The following PCDHGA6 variants were observed in gnomAD, a reference collection of about 807,000 sequenced individuals.
The protein encoded by PCDHGA6 is protocadherin gamma-A6.
Under a neutral mutation model 60.6 loss-of-function variants are expected in PCDHGA6, and 41 were observed. The observed-to-expected ratio is 0.68, with a 90% confidence interval of 0.53 to 0.88. The LOEUF is 0.88. Among genes scored for constraint, PCDHGA6 ranks in the 40% least tolerant of loss-of-function variants. PCDHGA6 has a pLI of 0.00. For synonymous variants in PCDHGA6, 594 were observed against 524.4 expected (o/e 1.13, Z -1.81); for missense variants, 1,312 against 1,203.0 (o/e 1.09, Z -1.34).
intron 1 of PCDHGA6, among the ~76,000 whole-genome samples, chr5:141,438,579 CATACATACATACATATATATAT>C (rs1356926315): frequency 3.6e-5 from 2 of 55,782 alleles, no homozygotes; most frequent in Non-Finnish European, 6.0e-5. Context: ...GATATACATA[CATACATACATACATATATATAT>C]ATATATATAT....
At chr5:141,397,395 C>G (rs1382237446) in intron 1 of PCDHGA6, among the ~76,000 whole-genome samples, 1 of 152,048 alleles carries the variant, frequency 6.6e-6, no homozygotes, top group Non-Finnish European at 1.5e-5. Flanking sequence ...ATTGCCACAA[C>G]TTTACAAAAT....
At position 141,491,084 on chromosome 5, in the gene PCDHGA6, C is replaced by T; in HGVS notation, c.2425-3723C>T. On this transcript the variant is annotated intron_variant, in intron 1 of 3. Transcript: ENST00000517434. This position sits in a 1 kb window ranked among gnomAD's most constrained non-coding sequence, Gnocchi z 6.9. ...TACTCACTGTTGCCACAGTCCACAGCCCCAGGACTGTTCCTCGTGTCTACA... is the reference window on the plus strand; with the variant it reads ...TACTCACTGTTGCCACAGTCCACAGTCCCAGGACTGTTCCTCGTGTCTACA... The T allele has an allele frequency of 6.2e-7, 1 of 1,614,106 alleles. No homozygotes were observed. The highest frequency in any genetic ancestry group is 1.1e-5 in the South Asian group (1 of 91,082).
rs1396618267 is a variant in PCDHGA6, at chr5:141,421,234, A to T, written c.2424+44727A>T. On this transcript the variant is annotated intron_variant, in intron 1 of 3. Coordinates refer to ENST00000517434, the MANE Select transcript of PCDHGA6 (RefSeq NM_018919.3). ...TATCGGCTTAGAGCCTGCCATGGCG[A>T]ATCGGCTACAGCGCGGGGACCGCAG... 7 of 1,593,656 alleles carry T rather than the reference A, an allele frequency of 4.4e-6. No homozygotes were observed. In the African/African-American group the frequency reaches 9.4e-5, roughly 21 times the overall value.
intron 1 of PCDHGA6, among the ~76,000 whole-genome samples, chr5:141,480,768 A>G (rs1371582817): frequency 6.6e-6 from 1 of 152,162 alleles, no homozygotes; most frequent in African/African-American, 2.4e-5. Flanking sequence ...TCCCCACTTG[A>G]TCCTAATGTG....
At chr5:141,392,893 G>C in intron 1 of PCDHGA6, 1 of 1,613,780 alleles carries the variant, frequency 6.2e-7, no homozygotes, top group South Asian at 1.1e-5. Flanking sequence ...TGGGAAATCG[G>C]GAGGGGACAG....
rs549842756 is a variant in PCDHGA6 at position 141,470,331 on chromosome 5, A to T, written c.2425-24476A>T. ...TTTCCTCAAATGATCCCATAATTTG[A>T]CCTTAGGAAGCTGTTCAAATAGACA... is the stretch of plus-strand genomic sequence containing the variant. On this transcript the variant is annotated intron_variant, in intron 1 of 3. Transcript: ENST00000517434. 3.3e-4 allele frequency among the ~76,000 whole-genome samples: 50 copies of T among 152,244 alleles called. 1 individual carries two copies. Among genetic ancestry groups the T allele is most frequent in the African/African-American group, 1.1e-3 (47 of 41,536 alleles).
At position 141,433,356 on chromosome 5, in the gene PCDHGA6, T is replaced by A. The variant is rs549297958; in HGVS notation, c.2424+56849T>A. On this transcript the variant is annotated intron_variant, in intron 1 of 3. Transcript: ENST00000517434. ...CTACAGGTGCAAGCCACCTACTGTC[T>A]GCCTATCTATCTATCTATCTATCTA... The A allele has an allele frequency of 8.4e-5, 51 of 607,892 alleles. No homozygotes were observed. The African/African-American group carries it at 9.5e-4, about 11-fold the overall frequency. 37.7% of individuals were successfully genotyped at this position (607,892 alleles called of 1,614,324 possible).
chr5:141,375,273 C>T lies in PCDHGA6; in HGVS notation c.1190C>T (p.Ser397Leu). 1 of 1,613,854 alleles carries T rather than the reference C, an allele frequency of 6.2e-7. No individual in the cohort carries two copies. Among genetic ancestry groups the T allele is most frequent in the Non-Finnish European group, 8.5e-7 (1 of 1,179,880 alleles). The change falls in exon 1 of 4, where the codon TCA (serine) becomes TTA (leucine). Residue 397 changes from serine to leucine, a missense_variant. Transcript: ENST00000517434. ...PRSLPFELEKSVGNYYRLVTN... is the reference protein window; with the variant it reads ...PRSLPFELEKLVGNYYRLVTN... The stretch of plus-strand genomic sequence containing the variant: ...AGTCTCCCATTTGAATTGGAAAAAT[C>T]AGTTGGCAATTATTATCGATTAGTG...
chr5:141,434,920 A>C (rs927245955), intron 1 of PCDHGA6, among the ~76,000 whole-genome samples: 1 of 151,796 alleles, frequency 6.6e-6, no homozygotes. Flanking sequence ...ATTTATGTAC[A>C]TATATTTTAT....
At chr5:141,399,742 A>G in intron 1 of PCDHGA6, 14 of 1,613,320 alleles carry the variant, frequency 8.7e-6, no homozygotes, top group Non-Finnish European at 1.2e-5. Flanking sequence ...GCCTGCGCTC[A>G]GCGCAAACGT....
rs761396116 is a variant in PCDHGA6 at position 141,409,790 on chromosome 5, C to T, written c.2424+33283C>T. 4 of 1,612,010 alleles carry T rather than the reference C, an allele frequency of 2.5e-6. No homozygotes were observed. The Admixed American group carries it at 5.0e-5, about 20-fold the overall frequency. ...TCACGAGCAGCTGCGCGCCTTCGCGCTCACGCTGCAGGCCCGCGACCACGG... is the reference window on the plus strand; with the variant it reads ...TCACGAGCAGCTGCGCGCCTTCGCGTTCACGCTGCAGGCCCGCGACCACGG... On this transcript the variant is annotated intron_variant, in intron 1 of 3. Transcript: ENST00000517434.
chr5:141,383,480 T>C, intron 1 of PCDHGA6: 2 of 1,613,740 alleles, frequency 1.2e-6, no homozygotes, highest in Non-Finnish European at 1.7e-6. Context: ...TACCCGGAAC[T>C]GGTGCTGGAG....
Position 141,375,007 on chromosome 5 carries a change from C to A in PCDHGA6, c.924C>A (p.Asp308Glu), listed in dbSNP as rs369489853. 6.2e-7 allele frequency: 1 copy of A among 1,614,000 alleles called. No individual in the cohort carries two copies. Among genetic ancestry groups the A allele is most frequent in the East Asian group, 2.2e-5 (1 of 44,886 alleles). ...TGEISTSANL[D>E]YEDSSFYELG... is the part of the protein sequence containing the mutation. ...AAATTTCAACTTCTGCAAATCTAGA[C>A]TATGAGGACTCGAGTTTTTATGAGC... The change falls in exon 1 of 4, where the codon GAC (aspartate) becomes GAA (glutamate). Residue 308 changes from aspartate to glutamate, a missense_variant. Asp to Glu is a conservative substitution (Grantham distance 45, BLOSUM62 2). Coordinates refer to ENST00000517434, the MANE Select transcript of PCDHGA6 (RefSeq NM_018919.3).
Position 141,486,979 on chromosome 5 carries a change from C to T in PCDHGA6, c.2425-7828C>T. On this transcript the variant is annotated intron_variant, in intron 1 of 3. Transcript: ENST00000517434. This position sits in a 1 kb window ranked among gnomAD's most constrained non-coding sequence, Gnocchi z 5.0. ...CTGCTGTGGACTTGGATTCAGGTTACAATGCTTGGGTTTCCTATCAGCTCC... is the reference window on the plus strand; with the variant it reads ...CTGCTGTGGACTTGGATTCAGGTTATAATGCTTGGGTTTCCTATCAGCTCC... 6.2e-7 allele frequency: 1 copy of T among 1,614,200 alleles called. No individual in the cohort carries two copies. Among genetic ancestry groups the T allele is most frequent in the Non-Finnish European group, 8.5e-7 (1 of 1,180,032 alleles).
In PCDHGA6 at chr5:141,485,186, G is replaced by T; in HGVS notation, c.2425-9621G>T. ...GCGGGCGGCAGCAATGCTCCGCAAG[G>T]TGAGAAGCTGGACAGAAATCTGGCG... On this transcript the variant is annotated intron_variant, in intron 1 of 3. Coordinates refer to ENST00000517434, the MANE Select transcript of PCDHGA6 (RefSeq NM_018919.3). This position sits in a 1 kb window ranked among gnomAD's most constrained non-coding sequence, Gnocchi z 5.7. 1 of 1,613,706 alleles carries T rather than the reference G, an allele frequency of 6.2e-7. No individual in the cohort carries two copies. The highest frequency in any genetic ancestry group is 8.5e-7 in the Non-Finnish European group (1 of 1,179,644).
rs1426305491 is a variant in PCDHGA6 at position 141,489,758 on chromosome 5, G to A, written c.2425-5049G>A. 1 of 1,614,084 alleles carries A rather than the reference G, an allele frequency of 6.2e-7. No homozygotes were observed. The highest frequency in any genetic ancestry group is 1.7e-5 in the Admixed American group (1 of 60,020). On this transcript the variant is annotated intron_variant, in intron 1 of 3. Coordinates refer to ENST00000517434, the MANE Select transcript of PCDHGA6 (RefSeq NM_018919.3). The surrounding 1 kb of genome is among the most constrained non-coding windows in gnomAD (Gnocchi z 4.5). ...AATACTGTGAGCTTTTACACTCTAAGCCCCAACAGCCACTTCTCTCTGAAT... is the reference window on the plus strand; with the variant it reads ...AATACTGTGAGCTTTTACACTCTAAACCCCAACAGCCACTTCTCTCTGAAT...
chr5:141,432,863 T>C lies in PCDHGA6; in HGVS notation c.2424+56356T>C, dbSNP rs762979829. On this transcript the variant is annotated intron_variant, in intron 1 of 3. Coordinates refer to ENST00000517434, the MANE Select transcript of PCDHGA6 (RefSeq NM_018919.3). This position sits in a 1 kb window ranked among gnomAD's most constrained non-coding sequence, Gnocchi z 6.0. ...GGTGGTAGCGGTGGCCGCGGTCTCCTGCGTCTTCCTGGCCTTCGTCATCTT... is the reference window on the plus strand; with the variant it reads ...GGTGGTAGCGGTGGCCGCGGTCTCCCGCGTCTTCCTGGCCTTCGTCATCTT... 20 of 1,614,192 alleles carry C rather than the reference T, an allele frequency of 1.2e-5. No individual in the cohort carries two copies. Among genetic ancestry groups the C allele is most frequent in the Admixed American group, 6.7e-5 (4 of 60,032 alleles).
At chr5:141,405,093 T>C in intron 1 of PCDHGA6, 1 of 1,613,946 alleles carries the variant, frequency 6.2e-7, no homozygotes, top group Non-Finnish European at 8.5e-7. Flanking sequence ...CTGCTGGCCC[T>C]CAGGCTGAGG....
rs534823543 is a variant in PCDHGA6, at chr5:141,383,535, C to T, written c.2424+7028C>T. ...AAGAGCGGGTTCACCACCTGGTCCT[C>T]ACAGCCTCTGATGGCGGCGACCCGC... On this transcript the variant is annotated intron_variant, in intron 1 of 3. Transcript: ENST00000517434. The T allele has an allele frequency of 1.9e-5, 31 of 1,612,472 alleles. No individual in the cohort carries two copies. The African/African-American group carries it at 3.7e-4, about 19-fold the overall frequency.
Sources: allele counts gnomAD v4.1 joint callset (sites outside exome capture counted in the v4.1 genomes callset), GRCh38; gene constraint gnomAD v4.1.1; non-coding constraint Gnocchi (gnomAD v3.1); transcripts MANE v1.5; gene names NCBI Gene and HGNC (gene_info 2026-07-23, HGNC 2026-07-21).